Variants in WWP1 observed in about 807,000 individuals in gnomAD.
WWP1 encodes WW domain containing E3 ubiquitin protein ligase 1, also known as NEDD4-like E3 ubiquitin-protein ligase WWP1.
Under a neutral mutation model 130.6 loss-of-function variants are expected in WWP1, and 49 were observed. The ratio of observed to expected loss-of-function variants is 0.38; its 90% CI spans 0.30 to 0.48. WWP1 has a LOEUF of 0.48. WWP1 is among the 20% of genes least tolerant of loss of function. The probability of loss-of-function intolerance (pLI) is 0.99; values close to 1 mark genes in which losing one functional copy is unlikely to be tolerated. For missense variants in WWP1, 809 were observed against 1,100.6 expected (o/e 0.74, Z 3.75); for synonymous variants, 332 against 367.8 (o/e 0.90, Z 1.11).
intron 8 of WWP1, 129 bp downstream of exon 8, chr8:86,402,332 C>CTGGA (rs2130510444): frequency 8.2e-7 from 1 of 1,212,978 alleles, no homozygotes; most frequent in South Asian, 1.6e-5. Flanking sequence ...GTCACCCAGG[C>CTGGA]TGGAGTGCAG....
At chr8:86,452,268 C>T (rs554644586) in intron 20 of WWP1, among the ~76,000 whole-genome samples, 3 of 152,180 alleles carry the variant, frequency 2.0e-5, no homozygotes, top group Non-Finnish European at 2.9e-5. Flanking sequence ...GGCTATCTTA[C>T]TAAATAGTGA....
intron 21 of WWP1, among the ~76,000 whole-genome samples, chr8:86,457,080 T>C (rs1288259849): frequency 6.6e-6 from 1 of 151,960 alleles, no homozygotes; most frequent in Non-Finnish European, 1.5e-5. Context: ...TATACATCTG[T>C]TGAAAATCTT....
chr8:86,434,782 A>C (rs1257582599), intron 14 of WWP1, among the ~76,000 whole-genome samples: 1 of 152,188 alleles, frequency 6.6e-6, no homozygotes, highest in Non-Finnish European at 1.5e-5. Context: ...TTTTTGAGTA[A>C]GTGAATTCAC....
In WWP1 at chr8:86,342,807, C is replaced by T; in HGVS notation, c.-238C>T. ...GCTGCCGGGGCCGACGCCTGGGTGGCTGCTGCCGCCGCGCCTGCTGCGAGA... is the reference window on the plus strand; with the variant it reads ...GCTGCCGGGGCCGACGCCTGGGTGGTTGCTGCCGCCGCGCCTGCTGCGAGA... On this transcript the variant is annotated 5_prime_UTR_variant, in exon 1 of 25. Coordinates refer to ENST00000517970, the MANE Select transcript of WWP1 (RefSeq NM_007013.4). The T allele has an allele frequency of 2.7e-6, 1 of 369,064 alleles. No individual in the cohort carries two copies. The highest frequency in any genetic ancestry group is 4.8e-6 in the Non-Finnish European group (1 of 206,886). The allele number at this position is 369,064 out of a possible 1,614,324, so 22.9% of individuals were successfully genotyped here.
chr8:86,422,142 T>C lies in WWP1; in HGVS notation c.1062-3081T>C, dbSNP rs117201221. ...ACTGATTTATCACAAAATACACATTTGTAACCATCACACAAGTCAAGAAAG... is the reference window on the plus strand; with the variant it reads ...ACTGATTTATCACAAAATACACATTCGTAACCATCACACAAGTCAAGAAAG... On this transcript the variant is annotated intron_variant, in intron 9 of 24. Coordinates refer to ENST00000517970, the MANE Select transcript of WWP1 (RefSeq NM_007013.4). Among the ~76,000 whole-genome samples the C allele has an allele frequency of 9.9e-3, 1,511 of 152,262 alleles. 12 individuals are homozygous for C. Among genetic ancestry groups the C allele is most frequent in the Non-Finnish European group, 0.014 (947 of 68,032 alleles).
chr8:86,351,903 C>A (rs1449073730), intron 1 of WWP1, among the ~76,000 whole-genome samples: 1 of 152,036 alleles, frequency 6.6e-6, no homozygotes, highest in African/African-American at 2.4e-5. Context: ...GCTTAGGGAT[C>A]TTCATTTTTT....
intron 21 of WWP1, among the ~76,000 whole-genome samples, chr8:86,457,077 CT>C (rs1811487803): frequency 6.6e-6 from 1 of 151,828 alleles, no homozygotes; most frequent in African/African-American, 2.4e-5. Context: ...GTGTATACAT[CT>C]GTTGAAAATC....
intron 23 of WWP1, 151 bp downstream of exon 23, chr8:86,461,471 T>G: frequency 1.4e-6 from 1 of 694,646 alleles, no homozygotes; most frequent in Non-Finnish European, 2.4e-6. Context: ...GTGGCTAATA[T>G]CAAAGCACTT....
At chr8:86,427,937 A>G in intron 11 of WWP1, 120 bp downstream of exon 11, 1 of 897,830 alleles carries the variant, frequency 1.1e-6, no homozygotes, top group Non-Finnish European at 1.6e-6. Context: ...CAGAAATGGT[A>G]TAGACTGTGT....
chr8:86,406,035 G>A (rs10504824), intron 8 of WWP1, among the ~76,000 whole-genome samples: 8,260 of 152,188 alleles, frequency 0.054, 316 homozygotes, highest in Non-Finnish European at 0.086. Flanking sequence ...TCCATCTGAC[G>A]GTTTAGTTGC....
intron 22 of WWP1, among the ~76,000 whole-genome samples, chr8:86,458,397 G>A (rs1177372747): frequency 6.6e-6 from 1 of 152,088 alleles, no homozygotes; most frequent in Non-Finnish European, 1.5e-5. Flanking sequence ...TTCCTCTGAG[G>A]TAATAACATA....
chr8:86,345,409 C>CT (rs1470207258), intron 1 of WWP1, among the ~76,000 whole-genome samples: 2 of 152,002 alleles, frequency 1.3e-5, no homozygotes, highest in African/African-American at 4.8e-5. Flanking sequence ...TTTCTTGGAG[C>CT]TTTTTTTATT....
intron 24 of WWP1, among the ~76,000 whole-genome samples, chr8:86,466,441 A>G (rs1236012277): frequency 6.6e-6 from 1 of 152,132 alleles, no homozygotes; most frequent in Non-Finnish European, 1.5e-5. Flanking sequence ...TGACTGATGA[A>G]TGAGTGACTG....
At chr8:86,395,132 T>G (rs1239492393) in intron 5 of WWP1, among the ~76,000 whole-genome samples, 1 of 152,038 alleles carries the variant, frequency 6.6e-6, no homozygotes, top group East Asian at 1.9e-4. Flanking sequence ...ACTGTAAAAT[T>G]AGGACGTATC....
intron 2 of WWP1, among the ~76,000 whole-genome samples, chr8:86,372,528 TCTG>T (rs1456427134): frequency 6.6e-6 from 1 of 152,220 alleles, no homozygotes; most frequent in African/African-American, 2.4e-5. Flanking sequence ...ACAATAGTTT[TCTG>T]CTGTAATTTA....
chr8:86,456,576 A>G (rs1811456935), intron 21 of WWP1, among the ~76,000 whole-genome samples: 1 of 151,992 alleles, frequency 6.6e-6, no homozygotes, highest in South Asian at 2.1e-4. Context: ...CATCTACCTT[A>G]TGGCCTACCA....
chr8:86,357,082 TATA>T (rs1321877420), intron 1 of WWP1, among the ~76,000 whole-genome samples: 3 of 147,974 alleles, frequency 2.0e-5, no homozygotes, highest in South Asian at 2.1e-4. Flanking sequence ...CTGAGGTTGG[TATA>T]ATAATTATGG....
intron 1 of WWP1, among the ~76,000 whole-genome samples, chr8:86,347,530 C>G (rs1394364654): frequency 6.6e-6 from 1 of 152,098 alleles, no homozygotes; most frequent in Admixed American, 6.5e-5. Flanking sequence ...AACTTTTGTA[C>G]CGTGTAGAGG....
intron 24 of WWP1, 63 bp downstream of exon 24, chr8:86,461,909 T>A (rs1811787792): frequency 1.0e-5 from 14 of 1,358,240 alleles, no homozygotes; most frequent in South Asian, 4.9e-5. Flanking sequence ...TTTGTTTTTT[T>A]AAAAATATGT....
Sources: gnomAD v4.1 joint callset for allele counts (sites outside exome capture counted in the v4.1 genomes callset) on GRCh38, gnomAD v4.1.1 for gene constraint, MANE v1.5 for transcripts, NCBI Gene and HGNC (gene_info 2026-07-23, HGNC 2026-07-21) for gene names.